The following PLB1 variants were observed in gnomAD, a reference collection of about 807,000 sequenced individuals.
PLB1 encodes the protein phospholipase B1, also known as phospholipase B1, membrane-associated.
A neutral mutation model predicts 227.4 loss-of-function variants in PLB1; 242 were observed. The ratio of observed to expected loss-of-function variants is 1.06; its 90% CI spans 0.96 to 1.18. The LOEUF (loss-of-function observed/expected upper bound fraction) is 1.18, where lower values mean the gene tolerates loss of function less well. Among genes scored for constraint, PLB1 ranks in the 50% most tolerant of loss-of-function variants. PLB1 has a pLI of 0.00. For synonymous variants in PLB1, 757 were observed against 682.2 expected, an observed-to-expected ratio of 1.11 and a Z score of -1.71; for missense variants, 1,858 against 1,816.3, an observed-to-expected ratio of 1.02 and a Z score of -0.42.
chr2:28,592,112 C>T (rs1259758704), intron 31 of PLB1, among the ~76,000 whole-genome samples: 1 of 152,312 alleles, frequency 6.6e-6, no homozygotes, highest in Middle Eastern at 3.4e-3. Flanking sequence ...TCTGCAATCA[C>T]TGCCGCCTAC....
At chr2:28,499,926 CT>C (rs1666895022) in intron 1 of PLB1, among the ~76,000 whole-genome samples, 1 of 152,042 alleles carries the variant, frequency 6.6e-6, no homozygotes, top group Non-Finnish European at 1.5e-5. Context: ...AGTAATTGTG[CT>C]GTTTGCTAAT....
At chr2:28,584,667 G>C (rs914487676) in intron 25 of PLB1, among the ~76,000 whole-genome samples, 110 of 152,342 alleles carry the variant, frequency 7.2e-4, no homozygotes, top group African/African-American at 2.6e-3. Flanking sequence ...CACCTCTGCA[G>C]TGCCCTGCAC....
chr2:28,504,280 G>A (rs75651974), intron 1 of PLB1, among the ~76,000 whole-genome samples: 27,307 of 152,136 alleles, frequency 0.18, 3,141 homozygotes, highest in East Asian at 0.64. Flanking sequence ...AGCTTATTCA[G>A]TCTCCTTCAG....
chr2:28,607,535 G>A (rs567636979), intron 43 of PLB1, among the ~76,000 whole-genome samples: 10 of 152,276 alleles, frequency 6.6e-5, no homozygotes, highest in East Asian at 1.9e-4. Flanking sequence ...GAAGACAGTC[G>A]TAGCAGAGGG....
At chr2:28,556,978 A>G (rs1675239719) in intron 17 of PLB1, among the ~76,000 whole-genome samples, 1 of 152,066 alleles carries the variant, frequency 6.6e-6, no homozygotes, top group African/African-American at 2.4e-5. Context: ...CACGGGCATC[A>G]TCTCATCGTG....
At chr2:28,639,937 C>G (rs1266663282) in intron 56 of PLB1, among the ~76,000 whole-genome samples, 2 of 152,198 alleles carry the variant, frequency 1.3e-5, no homozygotes, top group Admixed American at 6.5e-5. Context: ...CAGCTCGTTA[C>G]CAGCAGAGCC....
In PLB1 at chr2:28,548,841, A is replaced by C; in HGVS notation, c.937-19A>C. 6.2e-7 allele frequency: 1 copy of C among 1,613,874 alleles called. No individual in the cohort carries two copies. Among genetic ancestry groups the C allele is most frequent in the Non-Finnish European group, 8.5e-7 (1 of 1,179,836 alleles). ...CCTGCACAAAACTTCCCTGTTCTAA[A>C]GCCCACGTTCCTTTCTAGATGGAGC... On this transcript the variant is annotated intron_variant, in intron 14 of 57. Transcript: ENST00000327757.
At chr2:28,548,311 A>G (rs2148218414) in intron 14 of PLB1, among the ~76,000 whole-genome samples, 1 of 152,316 alleles carries the variant, frequency 6.6e-6, no homozygotes, top group Non-Finnish European at 1.5e-5. Flanking sequence ...GTAAAAAGCG[A>G]TGCATTTGCC....
chr2:28,540,665 G>A (rs1328885367), intron 12 of PLB1, among the ~76,000 whole-genome samples: 1 of 152,204 alleles, frequency 6.6e-6, no homozygotes, highest in Non-Finnish European at 1.5e-5. Flanking sequence ...TGGTAGGGGT[G>A]CGAGTTGGGG....
At chr2:28,596,597 C>A (rs1682952460) in intron 33 of PLB1, among the ~76,000 whole-genome samples, 1 of 152,176 alleles carries the variant, frequency 6.6e-6, no homozygotes, top group African/African-American at 2.4e-5. Flanking sequence ...TACTTCTTTT[C>A]AAATGTAAAA....
chr2:28,589,348 C>T (rs1412182509), intron 26 of PLB1, 102 bp from the exon 27 acceptor site: 10 of 851,720 alleles, frequency 1.2e-5, no homozygotes, highest in Non-Finnish European at 1.3e-5. Context: ...TTTCACTCAA[C>T]AGTCAGATTC....
chr2:28,502,636 T>C (rs1667228125), intron 1 of PLB1, among the ~76,000 whole-genome samples: 1 of 152,206 alleles, frequency 6.6e-6, no homozygotes, highest in African/African-American at 2.4e-5. Flanking sequence ...TGCTAACAAT[T>C]GTTTCAGGTT....
At chr2:28,578,668 G>T (rs550352411) in intron 22 of PLB1, among the ~76,000 whole-genome samples, 3 of 152,286 alleles carry the variant, frequency 2.0e-5, no homozygotes, top group South Asian at 4.1e-4. Flanking sequence ...TCTGAAAGAT[G>T]AATATGCAGC....
chr2:28,619,081 C>T (rs1483928771), intron 46 of PLB1, among the ~76,000 whole-genome samples: 3 of 152,140 alleles, frequency 2.0e-5, no homozygotes, highest in African/African-American at 7.2e-5. Flanking sequence ...GGTACATGTG[C>T]AGGTTTGTTA....
At position 28,585,851 on chromosome 2, in the gene PLB1, G is replaced by A. The variant is rs373097661; in HGVS notation, c.1815+9G>A. The A allele has an allele frequency of 1.4e-5, 23 of 1,590,408 alleles. No individual in the cohort carries two copies. The highest frequency in any genetic ancestry group is 4.0e-5 in the African/African-American group (3 of 74,290). On this transcript the variant is annotated intron_variant, in intron 26 of 57. Transcript: ENST00000327757. ...TCAACAAGAAGTTTCAGGTAAGCCG[G>A]GAAGGGGTTCTAAGACTTCCCAGAA...
At chr2:28,600,985 C>G in intron 36 of PLB1, 125 bp downstream of exon 36, 1 of 893,122 alleles carries the variant, frequency 1.1e-6, no homozygotes, top group South Asian at 1.5e-5. Context: ...AAGCAGTGGT[C>G]GGACAGCCCC....
chr2:28,584,681 C>G (rs1462411633), intron 25 of PLB1, among the ~76,000 whole-genome samples: 1 of 152,244 alleles, frequency 6.6e-6, no homozygotes, highest in Admixed American at 6.5e-5. Context: ...CCTGCACTCC[C>G]CGCCTCTCCA....
intron 56 of PLB1, among the ~76,000 whole-genome samples, chr2:28,634,140 C>T (rs1249302732): frequency 6.6e-6 from 1 of 152,174 alleles, no homozygotes; most frequent in Admixed American, 6.5e-5. Context: ...CAGCTTATGT[C>T]GACTTCCATT....
Position 28,517,610 on chromosome 2 carries a change from T to C in PLB1, c.117+741T>C, listed in dbSNP as rs141304209. On this transcript the variant is annotated intron_variant, in intron 2 of 57. Coordinates refer to ENST00000327757, the MANE Select transcript of PLB1 (RefSeq NM_153021.5). ...CATATACTTAATTTTGTATAAGTTA[T>C]CAAATTAAAAGATGGTAAGTAGGTA... is the stretch of plus-strand genomic sequence containing the variant. 7.9e-5 allele frequency among the ~76,000 whole-genome samples: 12 copies of C among 152,296 alleles called. 1 individual carries two copies. The highest frequency in any genetic ancestry group is 2.9e-4 in the African/African-American group (12 of 41,550).
Sources: gnomAD v4.1 joint callset for allele counts (sites outside exome capture counted in the v4.1 genomes callset) on GRCh38, gnomAD v4.1.1 for gene constraint, MANE v1.5 for transcripts, NCBI Gene and HGNC (gene_info 2026-07-23, HGNC 2026-07-21) for gene names.